The following TIMM23B variants were observed in gnomAD, a reference collection of about 807,000 sequenced individuals.
The protein encoded by TIMM23B is mitochondrial import inner membrane translocase subunit Tim23B.
TIMM23B carries 27 observed loss-of-function variants against 27.3 expected under a neutral mutation model. The ratio of observed to expected loss-of-function variants is 0.99; its 90% CI spans 0.73 to 1.36. The LOEUF (loss-of-function observed/expected upper bound fraction) is 1.36. Ranked by LOEUF, TIMM23B falls within the 40% of genes most tolerant of loss-of-function variation. The pLI, the probability that TIMM23B is intolerant of heterozygous loss-of-function variation, is 0.00. For synonymous variants in TIMM23B, 73 were observed against 92.4 expected (o/e 0.79, Z 1.21); for missense variants, 205 against 244.2 (o/e 0.84, Z 1.07).
intron 6 of TIMM23B, among the ~76,000 whole-genome samples, chr10:49,959,702 A>T (rs1325332334): frequency 6.6e-6 from 1 of 152,006 alleles, no homozygotes; most frequent in Non-Finnish European, 1.5e-5. Flanking sequence ...ACAGTGTTCT[A>T]TACGTCTCAC....
chr10:49,962,236 C>A lies in TIMM23B; in HGVS notation c.514+3756C>A, dbSNP rs1380740807. 1.3e-3 allele frequency among the ~76,000 whole-genome samples: 186 copies of A among 147,038 alleles called. 1 individual carries two copies. The highest frequency in any genetic ancestry group is 7.1e-3 in the Middle Eastern group (2 of 280). On this transcript the variant is annotated intron_variant, in intron 6 of 6. Transcript: ENST00000651259. ...TTTTTTTTTTTTAAACGGAGTTTTG[C>A]TCTGTCGCCAGGCTGCGGTGCAGTG...
At chr10:49,959,324 A>G (rs1839822257) in intron 6 of TIMM23B, among the ~76,000 whole-genome samples, 1 of 152,230 alleles carries the variant, frequency 6.6e-6, no homozygotes, top group African/African-American at 2.4e-5. Context: ...CACAAGACAC[A>G]CACAAGGTCG....
At chr10:49,942,765 C>G (rs1218035087) in intron 1 of TIMM23B, among the ~76,000 whole-genome samples, 2 of 151,948 alleles carry the variant, frequency 1.3e-5, no homozygotes, top group Admixed American at 1.3e-4. Flanking sequence ...TGACTTGGGA[C>G]AGGCTAGGAA....
Position 49,972,293 on chromosome 10 carries a change from A to T in TIMM23B, c.515-719A>T, listed in dbSNP as rs571231255. On this transcript the variant is annotated intron_variant, in intron 6 of 6. Coordinates refer to ENST00000651259, the MANE Select transcript of TIMM23B (RefSeq NM_001290117.2). ...CCCTTTACATTCGGCACTTTAGGAC[A>T]GCGTGAGTCACAGGTTGCACTAGAA... Among the ~76,000 whole-genome samples the T allele has an allele frequency of 1.6e-3, 248 of 152,310 alleles. 1 individual carries two copies. The Middle Eastern group carries it at 0.037, about 23-fold the overall frequency.
intron 5 of TIMM23B, 30 bp from the exon 6 acceptor site, chr10:49,958,340 T>C: frequency 7.5e-6 from 12 of 1,598,100 alleles, no homozygotes; most frequent in Non-Finnish European, 1.0e-5. Flanking sequence ...ATCACTGTTT[T>C]GTCACTGAGC....
chr10:49,959,025 T>C (rs1839813657), intron 6 of TIMM23B, among the ~76,000 whole-genome samples: 1 of 152,230 alleles, frequency 6.6e-6, no homozygotes, highest in Non-Finnish European at 1.5e-5. Flanking sequence ...ATATTTGGGT[T>C]GCTTCTACCT....
At chr10:49,960,461 G>C (rs2133083448) in intron 6 of TIMM23B, among the ~76,000 whole-genome samples, 1 of 151,832 alleles carries the variant, frequency 6.6e-6, no homozygotes, top group Admixed American at 6.6e-5. Flanking sequence ...GAGGAAAGCT[G>C]TGTTAACTCT....
At chr10:49,960,430 A>G (rs1245039585) in intron 6 of TIMM23B, among the ~76,000 whole-genome samples, 4 of 151,238 alleles carry the variant, frequency 2.6e-5, no homozygotes, top group Admixed American at 6.6e-5. Flanking sequence ...TCAGTCTTAC[A>G]TATTGTCTGT....
intron 4 of TIMM23B, chr10:49,954,096 T>C (rs1407434889): frequency 2.6e-5 from 4 of 155,316 alleles, no homozygotes; most frequent in Non-Finnish European, 2.9e-5. Flanking sequence ...ATTACTGATT[T>C]TTTAAAACAA....
At chr10:49,958,073 G>A (rs1385135705) in intron 5 of TIMM23B, among the ~76,000 whole-genome samples, 1 of 152,182 alleles carries the variant, frequency 6.6e-6, no homozygotes, top group African/African-American at 2.4e-5. Context: ...AGAAAAGGGA[G>A]CAGGTGAAAG....
intron 1 of TIMM23B, among the ~76,000 whole-genome samples, chr10:49,943,772 C>T (rs61847107): frequency 7.1e-6 from 1 of 141,164 alleles, no homozygotes; most frequent in African/African-American, 2.7e-5. Flanking sequence ...AAAAGAGGAC[C>T]CTTGCGCTCA....
At chr10:49,957,143 C>G (rs1180633199) in intron 5 of TIMM23B, among the ~76,000 whole-genome samples, 11 of 152,020 alleles carry the variant, frequency 7.2e-5, no homozygotes, top group African/African-American at 2.2e-4. Flanking sequence ...TTCTGACCAA[C>G]CAGCTTTGTC....
intron 2 of TIMM23B, among the ~76,000 whole-genome samples, chr10:49,951,271 G>A (rs1335365692): frequency 2.0e-5 from 3 of 152,150 alleles, no homozygotes; most frequent in African/African-American, 7.2e-5. Context: ...AATGTTAATT[G>A]TCAGTGGTCT....
At chr10:49,943,222 T>G (rs1839216770) in intron 1 of TIMM23B, 1 of 152,086 alleles carries the variant, frequency 6.6e-6, no homozygotes, top group South Asian at 2.1e-4. Context: ...GTTTTTTTTT[T>G]GTTTGTTTTT....
Position 49,964,556 on chromosome 10 carries a change from AATGAAATGAAATG to A in TIMM23B, c.514+6089_514+6101del, listed in dbSNP as rs1267512525. On this transcript the variant is annotated intron_variant, in intron 6 of 6. Coordinates refer to ENST00000651259, the MANE Select transcript of TIMM23B (RefSeq NM_001290117.2). ...AGAGGGAGTCTCCGTCTCGAAATGA[AATGAAATGAAATG>A]ATGAAATGAAATAATGAAATGAATA... is the stretch of plus-strand genomic sequence containing the variant. Among the ~76,000 whole-genome samples the A allele has an allele frequency of 1.4e-4, 21 of 152,212 alleles. No homozygotes were observed. The East Asian group carries it at 2.7e-3, about 20-fold the overall frequency.
intron 1 of TIMM23B, among the ~76,000 whole-genome samples, chr10:49,943,620 A>C (rs1289656111): frequency 2.0e-5 from 3 of 151,902 alleles, no homozygotes; most frequent in Non-Finnish European, 2.9e-5. Context: ...ATATTGTTAA[A>C]TTAATTTGAT....
In TIMM23B at chr10:49,947,786, G is replaced by A. The variant is rs4603256; in HGVS notation, c.165+2696G>A. 6.6e-5 allele frequency among the ~76,000 whole-genome samples: 10 copies of A among 151,886 alleles called. No individual in the cohort carries two copies. In the South Asian group the frequency reaches 1.7e-3, roughly 25 times the overall value. ...TCTGCAAAAAAATACAAAAATTAGC[G>A]GGGTGTGGTGGTATGCACCTGTAGT... On this transcript the variant is annotated intron_variant, in intron 2 of 6. Coordinates refer to ENST00000651259, the MANE Select transcript of TIMM23B (RefSeq NM_001290117.2).
intron 4 of TIMM23B, among the ~76,000 whole-genome samples, chr10:49,954,741 T>C (rs1839658440): frequency 6.7e-6 from 1 of 148,202 alleles, no homozygotes; most frequent in Non-Finnish European, 1.5e-5. Context: ...TCCTTATTAT[T>C]ATTATTATTA....
Position 49,973,028 on chromosome 10 carries a change from G to A in TIMM23B, c.531G>A (p.Leu177=). The A allele has an allele frequency of 6.5e-7, 1 of 1,531,160 alleles. No individual in the cohort carries two copies. The highest frequency in any genetic ancestry group is 8.7e-7 in the Non-Finnish European group (1 of 1,144,724). The allele number at this position is 1,531,160 out of a possible 1,614,324, so 94.8% of individuals were successfully genotyped here. A position where few individuals can be genotyped will look rare whatever the true frequency, so the allele number is the denominator to read the frequency against. The part of the protein sequence containing the change: ...LYKCTVSEMA[L]DSPFCVLLSG... ...TGCTTTTAGTGTCAGAGATGGCTTT[G>A]GATTCCCCGTTCTGTGTGCTGCTGT... The change falls in exon 7 of 7, where the codon TTG becomes TTA. Residue 177 remains leucine (L), a synonymous_variant. Coordinates refer to ENST00000651259, the MANE Select transcript of TIMM23B (RefSeq NM_001290117.2).
Sources: gnomAD v4.1 joint callset for allele counts (sites outside exome capture counted in the v4.1 genomes callset) on GRCh38, gnomAD v4.1.1 for gene constraint, MANE v1.5 for transcripts, NCBI Gene and HGNC (gene_info 2026-07-23, HGNC 2026-07-21) for gene names.